Variants in PRKCE observed in about 807,000 individuals in gnomAD.
PRKCE encodes protein kinase C epsilon.
In PRKCE, 16 loss-of-function variants were observed where a neutral mutation model predicts 85.4. The observed-to-expected ratio is 0.19, with a 90% confidence interval of 0.13 to 0.28. The LOEUF is 0.28. Ranked by LOEUF, PRKCE falls within the 10% of genes least tolerant of loss-of-function variation. The probability of loss-of-function intolerance (pLI) is 1.00; values close to 1 mark genes in which losing one functional copy is unlikely to be tolerated. For missense variants in PRKCE, 573 were observed against 975.2 expected (o/e 0.59, Z 5.49); for synonymous variants, 388 against 371.5 (o/e 1.04, Z -0.51).
Position 46,090,423 on chromosome 2 carries a change from T to G in PRKCE, c.1592+4061T>G, listed in dbSNP as rs776537860. Among the ~76,000 whole-genome samples the G allele has an allele frequency of 1.1e-4, 16 of 152,202 alleles. No homozygotes were observed. The South Asian group carries it at 1.9e-3, about 18-fold the overall frequency. On this transcript the variant is annotated intron_variant, in intron 11 of 14. Coordinates refer to ENST00000306156, the MANE Select transcript of PRKCE (RefSeq NM_005400.3). The stretch of plus-strand genomic sequence containing the variant: ...TTTTGCTTGTTCCCTCTGCCACCCT[T>G]GGGTTTTTACTTATGATACCTCTTC...
intron 10 of PRKCE, among the ~76,000 whole-genome samples, chr2:46,014,656 C>T (rs989135082): frequency 1.2e-4 from 19 of 152,094 alleles, no homozygotes; most frequent in Non-Finnish European, 2.2e-4. Flanking sequence ...TGTTAAGCAT[C>T]TATGTGCTAG....
At chr2:45,848,854 C>A (rs565736781) in intron 2 of PRKCE, among the ~76,000 whole-genome samples, 1 of 152,110 alleles carries the variant, frequency 6.6e-6, no homozygotes, top group African/African-American at 2.4e-5. Context: ...AGGAATAAGT[C>A]GGGACCAGAA....
intron 10 of PRKCE, among the ~76,000 whole-genome samples, chr2:46,031,030 G>A (rs1707480160): frequency 6.6e-6 from 1 of 152,220 alleles, no homozygotes; most frequent in Non-Finnish European, 1.5e-5. Flanking sequence ...CTCTATGTGA[G>A]TAGGGATGAA....
rs552244622 is a variant in PRKCE, at chr2:45,719,451, G to C, written c.348+67003G>C. Among the ~76,000 whole-genome samples the C allele has an allele frequency of 2.6e-5, 4 of 152,288 alleles. No individual in the cohort carries two copies. The East Asian group carries it at 7.7e-4, about 29-fold the overall frequency. On this transcript the variant is annotated intron_variant, in intron 1 of 14. Coordinates refer to ENST00000306156, the MANE Select transcript of PRKCE (RefSeq NM_005400.3). Reference sequence around the variant, plus strand: ...ACATCCTTTGGTTTATATTCCCAGGGTGTCCTGTGGACCACGGGAAGGACT... The same window carrying C: ...ACATCCTTTGGTTTATATTCCCAGGCTGTCCTGTGGACCACGGGAAGGACT...
chr2:46,133,939 G>A (rs1326604748), intron 11 of PRKCE, among the ~76,000 whole-genome samples: 1 of 152,186 alleles, frequency 6.6e-6, no homozygotes, highest in Non-Finnish European at 1.5e-5. Context: ...GCCAAGAGAG[G>A]CATCTTTGGG....
Position 45,703,015 on chromosome 2 carries a change from CT to C in PRKCE, c.348+50573del, listed in dbSNP as rs200291155. Among the ~76,000 whole-genome samples, 4 of 127,632 alleles carry C rather than the reference CT, an allele frequency of 3.1e-5. No homozygotes were observed. The South Asian group carries it at 1.1e-3, about 36-fold the overall frequency. The allele number at this position is 127,632 out of a possible 152,430, so 83.7% of individuals were successfully genotyped here. ...TATTATCAAGTTTTCTTGAGAAAGC[CT>C]TTTTTCCCCCCCCGTCAGGAAGTCA... On this transcript the variant is annotated intron_variant, in intron 1 of 14. Coordinates refer to ENST00000306156, the MANE Select transcript of PRKCE (RefSeq NM_005400.3).
chr2:46,025,138 G>A (rs1471311428), intron 10 of PRKCE, among the ~76,000 whole-genome samples: 2 of 152,206 alleles, frequency 1.3e-5, no homozygotes, highest in Non-Finnish European at 2.9e-5. Flanking sequence ...ATTATAAAAT[G>A]TTTACAAAAG....
At chr2:45,842,830 C>T (rs1267790752) in intron 1 of PRKCE, among the ~76,000 whole-genome samples, 170 bp from the exon 2 acceptor site, 3 of 152,194 alleles carry the variant, frequency 2.0e-5, no homozygotes, top group African/African-American at 7.2e-5. Context: ...ATGGGGTATG[C>T]ATCAGTCCTC....
chr2:45,882,195 C>T (rs1214185101), intron 2 of PRKCE, among the ~76,000 whole-genome samples: 2 of 152,128 alleles, frequency 1.3e-5, no homozygotes, highest in Non-Finnish European at 2.9e-5. Flanking sequence ...GACTGGGTTT[C>T]GAGTTTCAGG....
chr2:45,862,255 C>T (rs990338656), intron 2 of PRKCE, among the ~76,000 whole-genome samples: 1 of 151,018 alleles, frequency 6.6e-6, no homozygotes, highest in Non-Finnish European at 1.5e-5. Flanking sequence ...ACTCTGAATT[C>T]TTCATTGTGT....
At chr2:46,142,528 T>C (rs1675646303) in intron 11 of PRKCE, among the ~76,000 whole-genome samples, 1 of 152,230 alleles carries the variant, frequency 6.6e-6, no homozygotes, top group African/African-American at 2.4e-5. Flanking sequence ...GCTTCAGGCC[T>C]CAGTGGCAAG....
rs1283676834 is a variant in PRKCE at position 46,159,099 on chromosome 2, G to A, written c.1921-507G>A. Among the ~76,000 whole-genome samples, 1 of 152,216 alleles carries A rather than the reference G, an allele frequency of 6.6e-6. No individual in the cohort carries two copies. Among genetic ancestry groups the A allele is most frequent in the African/African-American group, 2.4e-5 (1 of 41,436 alleles). ...GGGTCCAGGAACAGGAAAGGAGCTG[G>A]AGGAGGCATTAGTACATTTGATCAT... On this transcript the variant is annotated intron_variant, in intron 13 of 14. Transcript: ENST00000306156. The surrounding 1 kb of genome is among the most constrained non-coding windows in gnomAD (Gnocchi z 4.1).
intron 2 of PRKCE, among the ~76,000 whole-genome samples, chr2:45,903,004 T>C (rs1209480203): frequency 1.3e-5 from 2 of 152,214 alleles, no homozygotes; most frequent in African/African-American, 4.8e-5. Flanking sequence ...GAATTATGTA[T>C]TTTCCCCCCA....
intron 1 of PRKCE, among the ~76,000 whole-genome samples, chr2:45,745,512 G>A (rs1558625539): frequency 6.6e-6 from 1 of 152,216 alleles, no homozygotes; most frequent in Non-Finnish European, 1.5e-5. Flanking sequence ...ATTCCAGGAA[G>A]CTTGCTTTCT....
At chr2:45,861,328 C>T (rs1693145136) in intron 2 of PRKCE, among the ~76,000 whole-genome samples, 1 of 152,158 alleles carries the variant, frequency 6.6e-6, no homozygotes. Flanking sequence ...TAGTTTATAA[C>T]ACACTGAGTT....
rs796924526 is a variant in PRKCE, at chr2:45,804,861, T to C, written c.349-38139T>C. Among the ~76,000 whole-genome samples the C allele has an allele frequency of 1.6e-4, 24 of 152,308 alleles. 1 individual carries two copies. Among genetic ancestry groups the C allele is most frequent in the African/African-American group, 5.5e-4 (23 of 41,578 alleles). ...GCCAACCAGGAATCAAATTTGATTG[T>C]TTCAAAAGCCTTTCCTATTTGTTTC... is the stretch of plus-strand genomic sequence containing the variant. On this transcript the variant is annotated intron_variant, in intron 1 of 14. Transcript: ENST00000306156.
chr2:46,042,270 C>T (rs1423989542), intron 10 of PRKCE, among the ~76,000 whole-genome samples: 3 of 152,124 alleles, frequency 2.0e-5, no homozygotes, highest in Admixed American at 2.0e-4. Flanking sequence ...GTGAGTTCTC[C>T]CCTCCTGTTC....
At chr2:46,045,282 G>T (rs1223884925) in intron 10 of PRKCE, among the ~76,000 whole-genome samples, 2 of 152,320 alleles carry the variant, frequency 1.3e-5, no homozygotes, top group African/African-American at 4.8e-5. Context: ...GGCCATGTAT[G>T]TGTCTACATG....
At chr2:45,992,218 A>G (rs1703857950) in intron 6 of PRKCE, among the ~76,000 whole-genome samples, 1 of 152,182 alleles carries the variant, frequency 6.6e-6, no homozygotes, top group Non-Finnish European at 1.5e-5. Flanking sequence ...CTTTGCAGTA[A>G]CATCCACAAT....
Sources: gnomAD v4.1 joint callset for allele counts (sites outside exome capture counted in the v4.1 genomes callset) on GRCh38, gnomAD v4.1.1 for gene constraint, Gnocchi (gnomAD v3.1) non-coding constraint, MANE v1.5 for transcripts, NCBI Gene and HGNC (gene_info 2026-07-23, HGNC 2026-07-21) for gene names.